The following TSHZ2 variants were observed in gnomAD, a reference collection of about 807,000 sequenced individuals.
TSHZ2 encodes teashirt homolog 2.
Under a neutral mutation model 74.4 loss-of-function variants are expected in TSHZ2, and 21 were observed. That is an observed-to-expected ratio of 0.28 (90% CI 0.20 to 0.41). The LOEUF (loss-of-function observed/expected upper bound fraction) is 0.41, where lower values mean the gene tolerates loss of function less well. TSHZ2 is among the 10% of genes least tolerant of loss of function. The probability of loss-of-function intolerance (pLI) is 1.00; values close to 1 mark genes in which losing one functional copy is unlikely to be tolerated. For synonymous variants in TSHZ2, 540 were observed against 515.3 expected, an observed-to-expected ratio of 1.05 and a Z score of -0.65; for missense variants, 1,244 against 1,293.5, an observed-to-expected ratio of 0.96 and a Z score of 0.59.
intron 2 of TSHZ2, among the ~76,000 whole-genome samples, chr20:53,438,050 TACAC>T (rs1043259296): frequency 1.3e-5 from 2 of 152,034 alleles, no homozygotes; most frequent in Non-Finnish European, 2.9e-5. Flanking sequence ...AACAGACTAA[TACAC>T]AGCCTCTCAA....
intron 2 of TSHZ2, among the ~76,000 whole-genome samples, chr20:53,319,379 A>T (rs1477407134): frequency 6.6e-6 from 1 of 152,254 alleles, no homozygotes; most frequent in Non-Finnish European, 1.5e-5. Context: ...TTAAGTTACT[A>T]TGACACTCCC....
chr20:53,118,243 A>AT (rs200717399), intron 1 of TSHZ2, among the ~76,000 whole-genome samples: 2,445 of 152,302 alleles, frequency 0.016, 27 homozygotes, highest in Non-Finnish European at 0.029. Flanking sequence ...TTTAGGATAA[A>AT]TTTTGTAAGA....
intron 2 of TSHZ2, among the ~76,000 whole-genome samples, chr20:53,274,476 A>T (rs150652061): frequency 4.6e-5 from 7 of 152,194 alleles, no homozygotes; most frequent in Non-Finnish European, 1.0e-4. Flanking sequence ...GAGAGATGAC[A>T]TGGAGGAACA....
At chr20:53,308,178 A>T (rs1306657360) in intron 2 of TSHZ2, among the ~76,000 whole-genome samples, 1 of 152,186 alleles carries the variant, frequency 6.6e-6, no homozygotes, top group Non-Finnish European at 1.5e-5. Flanking sequence ...TGTACTGGGG[A>T]GTCATGTTTG....
At chr20:53,127,787 CAGAG>C (rs1046479328) in intron 1 of TSHZ2, among the ~76,000 whole-genome samples, 3 of 152,164 alleles carry the variant, frequency 2.0e-5, no homozygotes, top group South Asian at 4.1e-4. Context: ...AAGTGAGACT[CAGAG>C]AGACAAGATG....
At chr20:52,995,779 A>G (rs959278936) in intron 1 of TSHZ2, among the ~76,000 whole-genome samples, 5 of 128,580 alleles carry the variant, frequency 3.9e-5, no homozygotes, top group Non-Finnish European at 6.9e-5. Flanking sequence ...TACCTGGCTA[A>G]TTTTTGTATT....
intron 1 of TSHZ2, among the ~76,000 whole-genome samples, chr20:53,129,306 T>A (rs1435989328): frequency 6.6e-6 from 1 of 152,170 alleles, no homozygotes; most frequent in Non-Finnish European, 1.5e-5. Context: ...ATGGTAGATA[T>A]ATATATGTAT....
At chr20:53,187,571 C>T (rs1341039844) in intron 1 of TSHZ2, among the ~76,000 whole-genome samples, 2 of 152,022 alleles carry the variant, frequency 1.3e-5, no homozygotes, top group African/African-American at 2.4e-5. Flanking sequence ...CGTGGCTAGC[C>T]GGGTGGTCCC....
chr20:53,126,570 G>C (rs1986951685), intron 1 of TSHZ2, among the ~76,000 whole-genome samples: 1 of 152,176 alleles, frequency 6.6e-6, no homozygotes, highest in South Asian at 2.1e-4. Flanking sequence ...TAGTATTATT[G>C]AGTGGGGCTA....
intron 2 of TSHZ2, among the ~76,000 whole-genome samples, chr20:53,403,680 T>C (rs894058784): frequency 1.3e-5 from 2 of 152,192 alleles, no homozygotes; most frequent in African/African-American, 4.8e-5. Flanking sequence ...AACGCTTCCA[T>C]CTCTGAGAGC....
At chr20:53,278,033 A>G (rs1990980672) in intron 2 of TSHZ2, among the ~76,000 whole-genome samples, 1 of 152,208 alleles carries the variant, frequency 6.6e-6, no homozygotes, top group South Asian at 2.1e-4. Flanking sequence ...AGATTAAGTC[A>G]TAATTCAAAG....
chr20:53,491,909 C>T lies in TSHZ2; in HGVS notation c.*4774C>T, dbSNP rs1986457059. On this transcript the variant is annotated 3_prime_UTR_variant, in exon 3 of 3. Transcript: ENST00000371497. Reference sequence around the variant, plus strand: ...ATTATTATTAAGGCCTTTTAAAATACAGGCTGTTTGAAAAAAGACAGATTA... The same window carrying T: ...ATTATTATTAAGGCCTTTTAAAATATAGGCTGTTTGAAAAAAGACAGATTA... 6.6e-6 allele frequency: 1 copy of T among 152,054 alleles called. No individual in the cohort carries two copies. Among genetic ancestry groups the T allele is most frequent in the Non-Finnish European group, 1.5e-5 (1 of 67,990 alleles). 9.4% of individuals were successfully genotyped at this position (152,054 alleles called of 1,614,324 possible).
At chr20:53,303,327 CTG>C (rs1456104557) in intron 2 of TSHZ2, among the ~76,000 whole-genome samples, 1 of 152,186 alleles carries the variant, frequency 6.6e-6, no homozygotes. Flanking sequence ...ATCAGAGAAA[CTG>C]TTTTTCAGTT....
intron 1 of TSHZ2, among the ~76,000 whole-genome samples, chr20:53,164,571 C>T (rs1988023611): frequency 6.6e-6 from 1 of 152,182 alleles, no homozygotes; most frequent in Non-Finnish European, 1.5e-5. Flanking sequence ...TAGCACTAGG[C>T]ATCTGTGGCT....
chr20:53,293,322 G>T (rs1944585036), intron 2 of TSHZ2, among the ~76,000 whole-genome samples: 1 of 152,112 alleles, frequency 6.6e-6, no homozygotes, highest in African/African-American at 2.4e-5. Context: ...AATTAGCCAG[G>T]CCTGGTGGTG....
chr20:53,030,324 A>C (rs542398900), intron 1 of TSHZ2, among the ~76,000 whole-genome samples: 24 of 150,514 alleles, frequency 1.6e-4, no homozygotes, highest in African/African-American at 4.7e-4. Flanking sequence ...CAAGGTTTTC[A>C]GTTTCCCTGG....
intron 1 of TSHZ2, among the ~76,000 whole-genome samples, chr20:53,133,812 C>T (rs779954872): frequency 6.6e-5 from 10 of 152,022 alleles, no homozygotes; most frequent in Non-Finnish European, 1.5e-4. Flanking sequence ...ATCGACATTC[C>T]TGACACTGGC....
At chr20:53,005,361 C>A (rs1407071692) in intron 1 of TSHZ2, among the ~76,000 whole-genome samples, 2 of 152,108 alleles carry the variant, frequency 1.3e-5, no homozygotes, top group South Asian at 2.1e-4. Context: ...TTGAGCTGAA[C>A]TATTTAGAAA....
At chr20:53,427,325 C>T (rs1039888363) in intron 2 of TSHZ2, among the ~76,000 whole-genome samples, 3 of 152,252 alleles carry the variant, frequency 2.0e-5, no homozygotes, top group South Asian at 2.1e-4. Context: ...TACGGATTGG[C>T]GGATCCTACT....
Sources: gnomAD v4.1 joint callset for allele counts (sites outside exome capture counted in the v4.1 genomes callset) on GRCh38, gnomAD v4.1.1 for gene constraint, MANE v1.5 for transcripts, NCBI Gene and HGNC (gene_info 2026-07-23, HGNC 2026-07-21) for gene names.